Variants in ANO10 observed in about 807,000 individuals in gnomAD.
ANO10 encodes anoctamin 10, also known as anoctamin-10.
ANO10 carries 77 observed loss-of-function variants against 74.7 expected under a neutral mutation model. That is an observed-to-expected ratio of 1.03 (90% CI 0.86 to 1.25). The LOEUF is 1.25. Among genes scored for constraint, ANO10 ranks in the 50% most tolerant of loss-of-function variants. The pLI is 0.00. For missense variants in ANO10, 721 were observed against 778.1 expected (o/e 0.93, Z 0.87); for synonymous variants, 279 against 284.9 (o/e 0.98, Z 0.21).
In ANO10 at chr3:43,470,644, T is replaced by TTTATTTA. The variant is rs1428524328; in HGVS notation, c.1798-37918_1798-37917insTAAATAA. Among the ~76,000 whole-genome samples the TTTATTTA allele has an allele frequency of 3.1e-3, 328 of 105,372 alleles. 1 individual carries two copies. Among genetic ancestry groups the TTTATTTA allele is most frequent in the Non-Finnish European group, 5.3e-3 (229 of 43,120 alleles). The allele number at this position is 105,372 out of a possible 152,430, so 69.1% of individuals were successfully genotyped here. A position where few individuals can be genotyped will look rare whatever the true frequency, so the allele number is the denominator to read the frequency against. On this transcript the variant is annotated intron_variant, in intron 11 of 12. Coordinates refer to ENST00000292246, the MANE Select transcript of ANO10 (RefSeq NM_018075.5). Reference sequence around the variant, plus strand: ...TATTTATTTATGTATTTATTTATTTTGAGGCAGAGTTTCACTTTGTCATCC... The same window carrying TTTATTTA: ...TATTTATTTATGTATTTATTTATTTTTTATTTAGAGGCAGAGTTTCACTTTGTCATCC...
chr3:43,528,352 A>G (rs565520485), intron 11 of ANO10, among the ~76,000 whole-genome samples: 66 of 152,330 alleles, frequency 4.3e-4, no homozygotes, highest in African/African-American at 1.5e-3. Context: ...GATGAAAGTT[A>G]TAACTCAATA....
intron 11 of ANO10, among the ~76,000 whole-genome samples, chr3:43,515,071 A>G (rs999891084): frequency 2.0e-5 from 3 of 152,254 alleles, no homozygotes; most frequent in Non-Finnish European, 4.4e-5. Context: ...AAAGAAATAG[A>G]AAATAGTAAA....
At chr3:43,406,734 G>C (rs1339841103) in intron 12 of ANO10, among the ~76,000 whole-genome samples, 1 of 152,092 alleles carries the variant, frequency 6.6e-6, no homozygotes, top group Non-Finnish European at 1.5e-5. Context: ...TAGCAAAAAA[G>C]ATGCCATGAA....
At position 43,586,297 on chromosome 3, in the gene ANO10, C is replaced by A. The variant is rs561534334; in HGVS notation, c.473-5825G>T. Among the ~76,000 whole-genome samples the A allele has an allele frequency of 5.3e-5, 8 of 152,222 alleles. No individual in the cohort carries two copies. In the South Asian group the frequency reaches 1.7e-3, roughly 32 times the overall value. ...GGATGGAAGGTAACTAGCTGTGGAG[C>A]TGTGGGTCTTGGTGGGCCAAAGACA... On this transcript the variant is annotated intron_variant, in intron 4 of 12. Coordinates refer to ENST00000292246, the MANE Select transcript of ANO10 (RefSeq NM_018075.5).
intron 11 of ANO10, among the ~76,000 whole-genome samples, chr3:43,464,669 A>AC (rs2075538054): frequency 6.6e-6 from 1 of 151,996 alleles, no homozygotes; most frequent in Non-Finnish European, 1.5e-5. Context: ...ACAGACAGAG[A>AC]CCCCATATAA....
At chr3:43,652,773 A>C (rs2083802287) in intron 1 of ANO10, among the ~76,000 whole-genome samples, 1 of 151,832 alleles carries the variant, frequency 6.6e-6, no homozygotes, top group Non-Finnish European at 1.5e-5. Context: ...GGCAAAATAT[A>C]AAACATAATT....
At chr3:43,527,350 A>G (rs1365104922) in intron 11 of ANO10, among the ~76,000 whole-genome samples, 3 of 152,198 alleles carry the variant, frequency 2.0e-5, no homozygotes, top group African/African-American at 7.2e-5. Flanking sequence ...GATAATTCAA[A>G]TAATATAAAA....
chr3:43,533,443 T>C (rs1372373741), intron 11 of ANO10, among the ~76,000 whole-genome samples: 1 of 152,236 alleles, frequency 6.6e-6, no homozygotes, highest in Non-Finnish European at 1.5e-5. Flanking sequence ...TGCATTTTTG[T>C]TGAGTTATTC....
At chr3:43,534,996 CAG>C (rs2078643902) in intron 11 of ANO10, among the ~76,000 whole-genome samples, 1 of 148,750 alleles carries the variant, frequency 6.7e-6, no homozygotes, top group African/African-American at 2.5e-5. Flanking sequence ...TTTTTTGAGA[CAG>C]AGTCTTATTC....
At chr3:43,553,580 G>A (rs1280080522) in intron 10 of ANO10, among the ~76,000 whole-genome samples, 4 of 148,472 alleles carry the variant, frequency 2.7e-5, no homozygotes, top group Non-Finnish European at 4.4e-5. Flanking sequence ...ACTGTTGCTC[G>A]GGCTGGAGTG....
chr3:43,591,439 C>A (rs183879405), intron 4 of ANO10, among the ~76,000 whole-genome samples: 1 of 152,176 alleles, frequency 6.6e-6, no homozygotes, highest in East Asian at 1.9e-4. Context: ...ACACTCACTG[C>A]ATGGCCCAAG....
chr3:43,647,936 A>G (rs1471753287), intron 1 of ANO10, among the ~76,000 whole-genome samples: 1 of 152,180 alleles, frequency 6.6e-6, no homozygotes, highest in Non-Finnish European at 1.5e-5. Flanking sequence ...GGCCTCAACT[A>G]CTACTATTAC....
intron 1 of ANO10, among the ~76,000 whole-genome samples, chr3:43,618,497 GA>G (rs1373609727): frequency 2.0e-5 from 3 of 152,188 alleles, no homozygotes; most frequent in African/African-American, 7.2e-5. Context: ...CATCTCAGTA[GA>G]AATGCTCTAG....
chr3:43,448,113 A>C (rs1267054960), intron 11 of ANO10, among the ~76,000 whole-genome samples: 3 of 152,152 alleles, frequency 2.0e-5, no homozygotes, highest in Non-Finnish European at 1.5e-5. Context: ...CCACATGAGG[A>C]TTCAAGAAGG....
chr3:43,579,589 C>T (rs1251935399), intron 5 of ANO10, among the ~76,000 whole-genome samples: 1 of 152,050 alleles, frequency 6.6e-6, no homozygotes, highest in Non-Finnish European at 1.5e-5. Context: ...CATGGTGGCA[C>T]ATGCCTGTAA....
At chr3:43,432,529 A>C in intron 12 of ANO10, 82 bp downstream of exon 12, 1 of 1,255,838 alleles carries the variant, frequency 8.0e-7, no homozygotes, top group Admixed American at 1.7e-5. Flanking sequence ...GGCTGAAAAA[A>C]ATGCTGAGAC....
chr3:43,614,442 A>G (rs181429223), intron 1 of ANO10, among the ~76,000 whole-genome samples: 117 of 152,278 alleles, frequency 7.7e-4, no homozygotes, highest in African/African-American at 2.5e-3. Context: ...AACAGAAAAT[A>G]AAAAAACATA....
intron 11 of ANO10, among the ~76,000 whole-genome samples, chr3:43,495,993 G>A (rs758278475): frequency 1.1e-4 from 16 of 152,046 alleles, no homozygotes; most frequent in African/African-American, 3.1e-4. Context: ...GAGCCACCAC[G>A]TCTGGCCAGG....
intron 4 of ANO10, among the ~76,000 whole-genome samples, chr3:43,583,092 T>G (rs2149423047): frequency 6.6e-6 from 1 of 152,336 alleles, no homozygotes; most frequent in Middle Eastern, 3.4e-3. Flanking sequence ...CAGGCAGGCA[T>G]AAAAACCAGT....
Sources: allele counts gnomAD v4.1 joint callset (sites outside exome capture counted in the v4.1 genomes callset), GRCh38; gene constraint gnomAD v4.1.1; transcripts MANE v1.5; gene names NCBI Gene and HGNC (gene_info 2026-07-23, HGNC 2026-07-21).